CHCHD3: variants seen among roughly 807,000 people sequenced by gnomAD.
The protein encoded by CHCHD3 is coiled-coil-helix-coiled-coil-helix domain containing 3, also known as MICOS complex subunit MIC19.
Under a neutral mutation model 38.2 loss-of-function variants are expected in CHCHD3, and 20 were observed. That is an observed-to-expected ratio of 0.52 (90% CI 0.37 to 0.76). The LOEUF (loss-of-function observed/expected upper bound fraction) is 0.76. CHCHD3 is among the 30% of genes least tolerant of loss of function. The probability of loss-of-function intolerance (pLI) is 0.00; values close to 1 mark genes in which losing one functional copy is unlikely to be tolerated. For missense variants in CHCHD3, 245 were observed against 279.2 expected (o/e 0.88, Z 0.87); for synonymous variants, 82 against 100.0 (o/e 0.82, Z 1.07).
At chr7:133,048,768 C>A (rs1053742501) in intron 2 of CHCHD3, among the ~76,000 whole-genome samples, 4 of 152,120 alleles carry the variant, frequency 2.6e-5, no homozygotes, top group African/African-American at 4.8e-5. Context: ...AATACTCCCC[C>A]CAAGCGGGCC....
chr7:132,952,345 A>G (rs1428584205), intron 4 of CHCHD3, among the ~76,000 whole-genome samples: 1 of 152,212 alleles, frequency 6.6e-6, no homozygotes, highest in East Asian at 1.9e-4. Flanking sequence ...GACTTTAATG[A>G]CCGGCCAGAC....
intron 2 of CHCHD3, among the ~76,000 whole-genome samples, chr7:133,063,889 G>GT (rs961896938): frequency 9.2e-5 from 14 of 152,078 alleles, no homozygotes; most frequent in South Asian, 2.1e-4. Context: ...TCTGGTCTGT[G>GT]TGCTAACTCT....
intron 4 of CHCHD3, chr7:132,887,131 T>C: frequency 2.5e-6 from 1 of 402,306 alleles, no homozygotes. Context: ...AAAAAGGAAA[T>C]GCTTAACTTG....
At chr7:132,821,747 CTTTTTTTT>C (rs71178063) in intron 6 of CHCHD3, among the ~76,000 whole-genome samples, 1 of 100,288 alleles carries the variant, frequency 1.0e-5, no homozygotes, top group African/African-American at 4.5e-5. Context: ...GCACTCAAAT[CTTTTTTTT>C]TTTTTTTTTT....
chr7:133,041,199 AG>A (rs1321929745), intron 2 of CHCHD3, among the ~76,000 whole-genome samples: 1 of 152,226 alleles, frequency 6.6e-6, no homozygotes, highest in African/African-American at 2.4e-5. Flanking sequence ...ACAAGTATCC[AG>A]GTAATAAGAT....
At chr7:132,833,514 A>G (rs1807698768) in intron 6 of CHCHD3, among the ~76,000 whole-genome samples, 1 of 152,192 alleles carries the variant, frequency 6.6e-6, no homozygotes, top group South Asian at 2.1e-4. Flanking sequence ...TTTTAAAAAG[A>G]TCATCATTTA....
At chr7:132,962,594 A>G (rs1811349016) in intron 4 of CHCHD3, among the ~76,000 whole-genome samples, 1 of 152,240 alleles carries the variant, frequency 6.6e-6, no homozygotes. Context: ...GTTTTTAATG[A>G]TGCAAGTTGG....
intron 5 of CHCHD3, among the ~76,000 whole-genome samples, chr7:132,881,021 T>C (rs899258272): frequency 6.6e-6 from 1 of 152,176 alleles, no homozygotes; most frequent in African/African-American, 2.4e-5. Context: ...AAATGTGATA[T>C]CTCTAATGTT....
intron 6 of CHCHD3, among the ~76,000 whole-genome samples, chr7:132,816,645 G>A (rs558009442): frequency 6.6e-6 from 1 of 152,312 alleles, no homozygotes; most frequent in South Asian, 2.1e-4. Context: ...TGGGCCAAAT[G>A]TGATTCTCCC....
intron 4 of CHCHD3, among the ~76,000 whole-genome samples, chr7:132,956,313 G>A (rs1310430181): frequency 1.3e-5 from 2 of 152,170 alleles, no homozygotes; most frequent in Admixed American, 1.3e-4. Context: ...TTAAGGCAAA[G>A]ATTTTTTATA....
chr7:133,078,081 G>A (rs1368573259), intron 1 of CHCHD3, among the ~76,000 whole-genome samples: 2 of 152,158 alleles, frequency 1.3e-5, no homozygotes, highest in African/African-American at 2.4e-5. Context: ...GCTGAGGTGG[G>A]TAGATCACTT....
At chr7:132,845,605 T>C (rs1048041349) in intron 5 of CHCHD3, among the ~76,000 whole-genome samples, 5 of 152,180 alleles carry the variant, frequency 3.3e-5, no homozygotes, top group Admixed American at 1.3e-4. Context: ...ATTAACTACA[T>C]TGAACAGCCA....
intron 6 of CHCHD3, among the ~76,000 whole-genome samples, chr7:132,823,912 C>A (rs1807443715): frequency 6.6e-6 from 1 of 152,152 alleles, no homozygotes; most frequent in Non-Finnish European, 1.5e-5. Flanking sequence ...AAAGATGAGG[C>A]TCTTTTTCTG....
At chr7:133,059,222 C>T (rs978880333) in intron 2 of CHCHD3, among the ~76,000 whole-genome samples, 2 of 152,184 alleles carry the variant, frequency 1.3e-5, no homozygotes, top group African/African-American at 4.8e-5. Context: ...AGAAAAGCTC[C>T]ACTCTCAAGT....
At chr7:132,954,439 G>A (rs6467452) in intron 4 of CHCHD3, among the ~76,000 whole-genome samples, 151,729 of 152,262 alleles carry the variant, frequency 1, 75,603 homozygotes, top group Middle Eastern at 1. Context: ...TGTGGAAGAA[G>A]CTGTCAGGGC....
At chr7:132,868,794 C>T (rs1462617486) in intron 5 of CHCHD3, among the ~76,000 whole-genome samples, 2 of 152,106 alleles carry the variant, frequency 1.3e-5, no homozygotes, top group Non-Finnish European at 2.9e-5. Flanking sequence ...CAGGACTATT[C>T]ACAATTGTGA....
At chr7:133,022,604 G>A (rs1813218985) in intron 3 of CHCHD3, 1 of 407,134 alleles carries the variant, frequency 2.5e-6, no homozygotes, top group Non-Finnish European at 4.8e-6. Flanking sequence ...TTTCATGAAG[G>A]AGGCTTCAAA....
At chr7:133,021,222 T>C (rs1813169818) in intron 3 of CHCHD3, among the ~76,000 whole-genome samples, 1 of 152,230 alleles carries the variant, frequency 6.6e-6, no homozygotes, top group Non-Finnish European at 1.5e-5. Context: ...TTAGTGTTAA[T>C]GAATTGTTTC....
At chr7:132,996,333 C>T (rs10247648) in intron 3 of CHCHD3, among the ~76,000 whole-genome samples, 3 of 152,004 alleles carry the variant, frequency 2.0e-5, no homozygotes, top group Non-Finnish European at 4.4e-5. Context: ...AAGGCAACAA[C>T]TGGCTACCAG....
Sources: allele counts gnomAD v4.1 joint callset (sites outside exome capture counted in the v4.1 genomes callset), GRCh38; gene constraint gnomAD v4.1.1; transcripts MANE v1.5; gene names NCBI Gene and HGNC (gene_info 2026-07-23, HGNC 2026-07-21).